Variants in SH3RF1 observed in about 807,000 individuals in gnomAD.
SH3RF1 encodes the protein SH3 domain containing ring finger 1.
In SH3RF1, 32 loss-of-function variants were observed where a neutral mutation model predicts 74.0. The observed-to-expected ratio is 0.43, with a 90% CI of 0.33 to 0.58. SH3RF1 has a LOEUF of 0.58. SH3RF1 is among the 20% of genes least tolerant of loss of function. The probability of loss-of-function intolerance (pLI) is 0.05; values close to 1 mark genes in which losing one functional copy is unlikely to be tolerated. For missense variants in SH3RF1, 954 were observed against 1,130.9 expected, an observed-to-expected ratio of 0.84 and a Z score of 2.24; for synonymous variants, 396 against 439.6, an observed-to-expected ratio of 0.90 and a Z score of 1.24.
chr4:169,132,880 T>C (rs1259581236), intron 5 of SH3RF1, among the ~76,000 whole-genome samples: 1 of 152,214 alleles, frequency 6.6e-6, no homozygotes, highest in African/African-American at 2.4e-5. Context: ...CAGACACTCA[T>C]GTCACAGTCA....
intron 8 of SH3RF1, among the ~76,000 whole-genome samples, chr4:169,120,092 C>T (rs1312479838): frequency 1.3e-5 from 2 of 152,186 alleles, no homozygotes; most frequent in Non-Finnish European, 2.9e-5. Context: ...TAGGATGTTT[C>T]ACTCTTAGCC....
At chr4:169,132,049 G>A (rs941584118) in intron 5 of SH3RF1, among the ~76,000 whole-genome samples, 3 of 152,200 alleles carry the variant, frequency 2.0e-5, no homozygotes, top group Non-Finnish European at 4.4e-5. Context: ...CCACACTGGC[G>A]TGTACTTTCA....
intron 1 of SH3RF1, 113 bp downstream of exon 1, chr4:169,270,746 G>GCTC (rs1731437050): frequency 6.6e-6 from 1 of 152,232 alleles, no homozygotes; most frequent in Non-Finnish European, 1.5e-5. Context: ...CGAGGGGAGA[G>GCTC]AGAGACCGAC....
intron 2 of SH3RF1, among the ~76,000 whole-genome samples, chr4:169,169,652 T>C (rs988558690): frequency 6.6e-6 from 1 of 152,040 alleles, no homozygotes; most frequent in African/African-American, 2.4e-5. Context: ...AAAACTGGTT[T>C]TGTTTAAAGG....
intron 2 of SH3RF1, among the ~76,000 whole-genome samples, chr4:169,212,950 T>G (rs1168089979): frequency 6.6e-6 from 1 of 152,244 alleles, no homozygotes; most frequent in African/African-American, 2.4e-5. Flanking sequence ...CAAAGGACAT[T>G]TTGGTTGCTT....
chr4:169,115,864 C>T (rs548245792), intron 10 of SH3RF1, among the ~76,000 whole-genome samples: 1 of 152,232 alleles, frequency 6.6e-6, no homozygotes, highest in East Asian at 1.9e-4. Context: ...TAACAGAACT[C>T]TTATCAAGCA....
intron 4 of SH3RF1, among the ~76,000 whole-genome samples, chr4:169,151,336 A>C (rs1235486079): frequency 6.6e-6 from 1 of 152,242 alleles, no homozygotes; most frequent in Admixed American, 6.5e-5. Flanking sequence ...TGGTGATAAT[A>C]ATCACAGCCA....
At chr4:169,162,184 G>A (rs900395283) in intron 2 of SH3RF1, among the ~76,000 whole-genome samples, 3 of 152,094 alleles carry the variant, frequency 2.0e-5, no homozygotes, top group African/African-American at 7.2e-5. Context: ...AAAATAGAAT[G>A]TCTTTTGTAC....
intron 2 of SH3RF1, among the ~76,000 whole-genome samples, chr4:169,157,810 C>T (rs771360517): frequency 6.6e-6 from 1 of 151,432 alleles, no homozygotes; most frequent in African/African-American, 2.4e-5. Flanking sequence ...GGTGCAATCT[C>T]GGCTCACTGC....
intron 10 of SH3RF1, among the ~76,000 whole-genome samples, chr4:169,114,316 C>T (rs187502812): frequency 1.3e-5 from 2 of 152,270 alleles, no homozygotes; most frequent in South Asian, 2.1e-4. Flanking sequence ...TTCACCATCA[C>T]GTCTCCTTCT....
chr4:169,152,758 T>C (rs1261765523), intron 4 of SH3RF1, among the ~76,000 whole-genome samples: 1 of 152,124 alleles, frequency 6.6e-6, no homozygotes, highest in African/African-American at 2.4e-5. Flanking sequence ...AAAGGAGATT[T>C]GTTTGCAAGT....
chr4:169,115,397 C>T (rs1733314312), intron 10 of SH3RF1, among the ~76,000 whole-genome samples: 1 of 152,188 alleles, frequency 6.6e-6, no homozygotes, highest in Non-Finnish European at 1.5e-5. Flanking sequence ...AGCTCCGCCT[C>T]CTGTCAGATC....
chr4:169,250,502 A>T (rs1731085433), intron 2 of SH3RF1, among the ~76,000 whole-genome samples: 1 of 152,230 alleles, frequency 6.6e-6, no homozygotes, highest in South Asian at 2.1e-4. Context: ...ATATTTTTCA[A>T]CATGAGGTGT....
chr4:169,238,970 C>A (rs1466081288), intron 2 of SH3RF1, among the ~76,000 whole-genome samples: 2 of 151,502 alleles, frequency 1.3e-5, no homozygotes, highest in Admixed American at 6.6e-5. Flanking sequence ...TTCCGCCCCC[C>A]CCCACCCCTT....
intron 2 of SH3RF1, among the ~76,000 whole-genome samples, chr4:169,249,024 G>A (rs1449189482): frequency 5.3e-5 from 8 of 152,070 alleles, no homozygotes; most frequent in South Asian, 2.1e-4. Context: ...TCAGGAGATC[G>A]AGACCATTCT....
intron 6 of SH3RF1, among the ~76,000 whole-genome samples, chr4:169,127,895 T>A (rs879649361): frequency 6.6e-6 from 1 of 152,156 alleles, no homozygotes; most frequent in Non-Finnish European, 1.5e-5. Flanking sequence ...TGACCAGAAG[T>A]GTTTCGGATT....
At chr4:169,209,263 T>G (rs1464567755) in intron 2 of SH3RF1, among the ~76,000 whole-genome samples, 1 of 149,598 alleles carries the variant, frequency 6.7e-6, no homozygotes, top group Non-Finnish European at 1.5e-5. Flanking sequence ...CACTCCAGCC[T>G]GAGTGACAGA....
At chr4:169,097,685 C>T (rs1551613) in intron 11 of SH3RF1, among the ~76,000 whole-genome samples, 82,339 of 152,054 alleles carry the variant, frequency 0.54, 24,554 homozygotes, top group Middle Eastern at 0.68. Flanking sequence ...GGTAGCCAAC[C>T]TCCAAGATGG....
intron 2 of SH3RF1, among the ~76,000 whole-genome samples, chr4:169,173,154 C>T (rs1734360417): frequency 2.0e-5 from 3 of 152,144 alleles, no homozygotes; most frequent in Admixed American, 6.6e-5. Context: ...TTGAAGCCTT[C>T]TGTATTTTTC....
Sources: allele counts gnomAD v4.1 joint callset (sites outside exome capture counted in the v4.1 genomes callset), GRCh38; gene constraint gnomAD v4.1.1; transcripts MANE v1.5; gene names NCBI Gene and HGNC (gene_info 2026-07-23, HGNC 2026-07-21).